Variants in ZSWIM3 observed in about 807,000 individuals in gnomAD.
ZSWIM3 encodes zinc finger SWIM domain-containing protein 3.
ZSWIM3 carries 27 observed loss-of-function variants against 47.5 expected under a neutral mutation model. The ratio of observed to expected loss-of-function variants is 0.57; its 90% confidence interval spans 0.42 to 0.78. The LOEUF is 0.78. Ranked by LOEUF, ZSWIM3 falls within the 30% of genes least tolerant of loss-of-function variation. The pLI is 0.00. For synonymous variants in ZSWIM3, 333 were observed against 333.9 expected (o/e 1.00, Z 0.03); for missense variants, 689 against 861.3 (o/e 0.80, Z 2.50).
At chr20:45,869,524 GA>G (rs921269969) in intron 1 of ZSWIM3, among the ~76,000 whole-genome samples, 3 of 145,078 alleles carry the variant, frequency 2.1e-5, no homozygotes, top group Admixed American at 6.8e-5. Flanking sequence ...CGTCTCAAAA[GA>G]AAAAAAAAAG....
rs559364656 is a variant in ZSWIM3, at chr20:45,875,449, A to G, written c.156-1265A>G. Among the ~76,000 whole-genome samples the G allele has an allele frequency of 1.5e-4, 23 of 151,618 alleles. No individual in the cohort carries two copies. The East Asian group carries it at 4.3e-3, about 28-fold the overall frequency. ...AGTGCTGGGATTACAGGCGTAAGCT[A>G]TAGCACCCAGCCTTCCTTCTTTCCT... is the stretch of plus-strand genomic sequence containing the variant. On this transcript the variant is annotated intron_variant, in intron 1 of 1. Transcript: ENST00000255152.
chr20:45,860,509 TCAAAAAAAA>T (rs1985679869), intron 1 of ZSWIM3, among the ~76,000 whole-genome samples: 1 of 48,976 alleles, frequency 2.0e-5, no homozygotes, highest in Admixed American at 3.3e-4. Context: ...AGACTCCATC[TCAAAAAAAA>T]AAAAAAAAAA....
At position 45,877,502 on chromosome 20, in the gene ZSWIM3, A is replaced by G. The variant is rs1419049273; in HGVS notation, c.944A>G (p.Glu315Gly). 6.2e-7 allele frequency: 1 copy of G among 1,614,140 alleles called. No individual in the cohort carries two copies. Among genetic ancestry groups the G allele is most frequent in the South Asian group, 1.1e-5 (1 of 91,074 alleles). ...LSIYHTTRLL[E>G]KKLHRSSANP... ...ATCTACCACACAACCCGACTCTTGG[A>G]GAAGAAGTTGCATCGTAGTTCAGCA... Residue 315 changes from glutamate (E) to glycine (G), a missense_variant, in exon 2 of 2, where the codon GAG becomes GGG. Physicochemically the swap from Glu to Gly is moderately conservative, Grantham distance 98 (BLOSUM62 -2). Transcript: ENST00000255152.
chr20:45,861,156 G>A (rs62213289), intron 1 of ZSWIM3, among the ~76,000 whole-genome samples: 1 of 152,110 alleles, frequency 6.6e-6, no homozygotes, highest in African/African-American at 2.4e-5. Context: ...CAGCTCACAC[G>A]TATAATTCCA....
intron 1 of ZSWIM3, among the ~76,000 whole-genome samples, chr20:45,866,168 G>A (rs140818460): frequency 1.3e-5 from 2 of 151,886 alleles, no homozygotes; most frequent in African/African-American, 4.8e-5. Context: ...CGGGTGTGGT[G>A]GTGGGCACCT....
At position 45,857,949 on chromosome 20, in the gene ZSWIM3, AACCATGGCACCTCCATCCGCG is replaced by A. The variant is rs1246995882; in HGVS notation, c.126_146del (p.Asn42_Glu49delinsLys). On this transcript the variant is annotated inframe_deletion, in exon 1 of 2. Transcript: ENST00000255152. ...CGTCTCCGTCCGCTTCCACAACCTC[AACCATGGCACCTCCATCCGCG>A]AAGACATCCTGTAAGGGCGGGCGGG... is the stretch of plus-strand genomic sequence containing the variant. 1.5e-6 allele frequency: 2 copies of A among 1,368,084 alleles called. No homozygotes were observed. Among genetic ancestry groups the A allele is most frequent in the Non-Finnish European group, 1.9e-6 (2 of 1,025,890 alleles). 84.7% of individuals were successfully genotyped at this position (1,368,084 alleles called of 1,614,324 possible).
chr20:45,858,302 C>T (rs1436186124), intron 1 of ZSWIM3, among the ~76,000 whole-genome samples: 5 of 152,206 alleles, frequency 3.3e-5, no homozygotes, highest in Admixed American at 1.3e-4. Flanking sequence ...AACACCTTGG[C>T]GATAATTTCC....
chr20:45,859,816 A>AAAAATC (rs146830909), intron 1 of ZSWIM3, among the ~76,000 whole-genome samples: 1 of 129,304 alleles, frequency 7.7e-6, no homozygotes, highest in Non-Finnish European at 1.6e-5. Flanking sequence ...AAAAAAAAAA[A>AAAAATC]CCACAGTTGC....
At chr20:45,866,544 T>C (rs1258885442) in intron 1 of ZSWIM3, among the ~76,000 whole-genome samples, 2 of 152,018 alleles carry the variant, frequency 1.3e-5, no homozygotes, top group African/African-American at 4.8e-5. Context: ...CAGTGGCTCA[T>C]GCCTGTAATC....
chr20:45,876,853 C>T lies in ZSWIM3; in HGVS notation c.295C>T (p.Gln99Ter). Residue 99 changes from glutamine (Q) to a stop codon, truncating the protein, a stop_gained, in exon 2 of 2, where the codon CAG (glutamine) becomes TAG (stop). Coordinates refer to ENST00000255152, the MANE Select transcript of ZSWIM3 (RefSeq NM_080752.4). LOFTEE classifies it high-confidence loss of function. ...DRLFISELNT[Q>*]HIHGDSKVAS... ...ACTATTTATCAGTGAACTAAACACA[C>T]AGCACATACATGGTGACTCTAAAGT... is the stretch of plus-strand genomic sequence containing the variant. The T allele has an allele frequency of 1.2e-6, 2 of 1,614,180 alleles. No homozygotes were observed. Among genetic ancestry groups the T allele is most frequent in the Admixed American group, 1.7e-5 (1 of 60,020 alleles).
chr20:45,863,314 A>G (rs995998745), intron 1 of ZSWIM3, among the ~76,000 whole-genome samples: 10 of 152,166 alleles, frequency 6.6e-5, no homozygotes, highest in South Asian at 2.1e-4. Flanking sequence ...ACTAATCTAT[A>G]ATCACAGAAA....
chr20:45,867,872 T>G (rs1230379290), intron 1 of ZSWIM3, among the ~76,000 whole-genome samples: 1 of 152,312 alleles, frequency 6.6e-6, no homozygotes, highest in Non-Finnish European at 1.5e-5. Context: ...CCTTCTCTGC[T>G]AGGAACTTTA....
In ZSWIM3 at chr20:45,857,905, C is replaced by T; in HGVS notation, c.80C>T (p.Ser27Phe). Reference sequence around the variant, plus strand: ...GCCTACAAAAGGGAGAACAGGTGCTCCTTCATTCTCAGGGACTGCGTCTCC... The same window carrying T: ...GCCTACAAAAGGGAGAACAGGTGCTTCTTCATTCTCAGGGACTGCGTCTCC... ...FSAYKRENRC[S>F]FILRDCVSVR... The change falls in exon 1 of 2, where the codon TCC becomes TTC. Residue 27 changes from serine to phenylalanine, a missense_variant. Transcript: ENST00000255152. 1 of 1,612,416 alleles carries T rather than the reference C, an allele frequency of 6.2e-7. No homozygotes were observed. Among genetic ancestry groups the T allele is most frequent in the Non-Finnish European group, 8.5e-7 (1 of 1,179,196 alleles).
intron 1 of ZSWIM3, among the ~76,000 whole-genome samples, chr20:45,869,765 C>T (rs1985925193): frequency 6.6e-6 from 1 of 152,010 alleles, no homozygotes; most frequent in Admixed American, 6.6e-5. Flanking sequence ...GCCTTTCTTG[C>T]CGGGCGTGGT....
intron 1 of ZSWIM3, chr20:45,872,927 C>G: frequency 3.5e-6 from 4 of 1,159,298 alleles, no homozygotes; most frequent in Middle Eastern, 3.8e-4. Context: ...ACTGGACCAG[C>G]TGGATTAGAG....
intron 1 of ZSWIM3, among the ~76,000 whole-genome samples, chr20:45,871,852 ATC>A (rs1018362904): frequency 1.4e-5 from 2 of 139,016 alleles, no homozygotes; most frequent in African/African-American, 5.3e-5. Context: ...CAGAACGAAT[ATC>A]TGTCTCAAAG....
intron 1 of ZSWIM3, among the ~76,000 whole-genome samples, chr20:45,870,507 A>G (rs1985949758): frequency 6.6e-6 from 1 of 152,188 alleles, no homozygotes; most frequent in African/African-American, 2.4e-5. Flanking sequence ...AAGAAAATAG[A>G]AAAGAAGGGA....
Position 45,876,772 on chromosome 20 carries a change from G to C in ZSWIM3, c.214G>C (p.Glu72Gln), listed in dbSNP as rs373843689. Residue 72 changes from glutamate to glutamine, a missense_variant, in exon 2 of 2, where the codon GAG becomes CAG. Glu to Gln is a conservative substitution (Grantham distance 29). Transcript: ENST00000255152. ...CCAATCAAACAGGAAGAGAACGCGG[G>C]AGGCAGACATGTGCCCAGCGTACTT... is the stretch of plus-strand genomic sequence containing the variant. Reference protein sequence around the residue: ...RTQSNRKRTREADMCPAYLLL... With the variant: ...RTQSNRKRTRQADMCPAYLLL... The C allele has an allele frequency of 1.2e-5, 20 of 1,614,022 alleles. No homozygotes were observed. The highest frequency in any genetic ancestry group is 1.6e-5 in the Non-Finnish European group (19 of 1,180,026).
chr20:45,865,466 T>C (rs999037995), intron 1 of ZSWIM3, among the ~76,000 whole-genome samples: 1 of 150,822 alleles, frequency 6.6e-6, no homozygotes, highest in African/African-American at 2.4e-5. Context: ...CCAGCCTGGG[T>C]GACAGAGTGA....
Sources: gnomAD v4.1 joint callset for allele counts (sites outside exome capture counted in the v4.1 genomes callset) on GRCh38, gnomAD v4.1.1 for gene constraint, MANE v1.5 for transcripts, NCBI Gene and HGNC (gene_info 2026-07-23, HGNC 2026-07-21) for gene names.